Variants in PPARGC1B observed in about 807,000 individuals in gnomAD.
The protein encoded by PPARGC1B is PPARG coactivator 1 beta, also known as peroxisome proliferator-activated receptor gamma coactivator 1-beta.
Under a neutral mutation model 101.6 loss-of-function variants are expected in PPARGC1B, and 34 were observed. That is an observed-to-expected ratio of 0.33 (90% CI 0.25 to 0.45). The LOEUF (loss-of-function observed/expected upper bound fraction) is 0.45. PPARGC1B is among the 20% of genes least tolerant of loss of function. The probability of loss-of-function intolerance (pLI) is 1.00; values close to 1 mark genes in which losing one functional copy is unlikely to be tolerated. For synonymous variants in PPARGC1B, 548 were observed against 539.3 expected, an observed-to-expected ratio of 1.02 and a Z score of -0.22; for missense variants, 1,234 against 1,317.6, an observed-to-expected ratio of 0.94 and a Z score of 0.98.
chr5:149,735,879 A>G (rs1754687644), intron 1 of PPARGC1B, among the ~76,000 whole-genome samples: 1 of 152,238 alleles, frequency 6.6e-6, no homozygotes, highest in African/African-American at 2.4e-5. Flanking sequence ...TAATACCAGC[A>G]CTTTGGGAGG....
intron 1 of PPARGC1B, among the ~76,000 whole-genome samples, chr5:149,752,388 C>G (rs1334752340): frequency 6.6e-6 from 1 of 152,224 alleles, no homozygotes; most frequent in Admixed American, 6.5e-5. Flanking sequence ...TGGTGGGGCT[C>G]ACGCAGAGCA....
Position 149,833,372 on chromosome 5 carries a change from C to T in PPARGC1B, c.1299C>T (p.Asp433=), listed in dbSNP as rs755002548. The T allele has an allele frequency of 2.0e-5, 33 of 1,612,714 alleles. No individual in the cohort carries two copies. Among genetic ancestry groups the T allele is most frequent in the African/African-American group, 8.0e-5 (6 of 74,732 alleles). The change falls in exon 5 of 12, where the codon GAC becomes GAT. Residue 433 remains aspartate (D), a synonymous_variant. Transcript: ENST00000309241. The surrounding 1 kb of genome is among the most constrained non-coding windows in gnomAD (Gnocchi z 4.1). Reference sequence around the variant, plus strand: ...GACTGCAGCAGCAGGAGGAGGAAGACGAGGAAGAAGAGGAGGAGGAAGAGG... The same window carrying T: ...GACTGCAGCAGCAGGAGGAGGAAGATGAGGAAGAAGAGGAGGAGGAAGAGG... ...PARLQQQEEE[D]EEEEEEEEEE... is the part of the protein sequence containing the mutation.
intron 1 of PPARGC1B, among the ~76,000 whole-genome samples, chr5:149,813,897 G>C (rs1757951818): frequency 6.6e-6 from 1 of 152,196 alleles, no homozygotes; most frequent in Admixed American, 6.5e-5. Flanking sequence ...CAGGGTGGGA[G>C]GGGCAACCGA....
At chr5:149,847,294 T>C (rs1323049507) in intron 11 of PPARGC1B, 164 bp from the exon 12 acceptor site, 1 of 755,026 alleles carries the variant, frequency 1.3e-6, no homozygotes, top group South Asian at 1.4e-5. Flanking sequence ...CCCAGCAGGA[T>C]GGCAGGCAGT....
chr5:149,792,760 T>TCATTCATTCAG (rs1757067768), intron 1 of PPARGC1B, among the ~76,000 whole-genome samples: 1 of 151,880 alleles, frequency 6.6e-6, no homozygotes, highest in African/African-American at 2.4e-5. Flanking sequence ...CATTCATTCA[T>TCATTCATTCAG]TCATTCATTC....
At chr5:149,759,462 A>G (rs1171773885) in intron 1 of PPARGC1B, among the ~76,000 whole-genome samples, 2 of 152,152 alleles carry the variant, frequency 1.3e-5, no homozygotes, top group Non-Finnish European at 1.5e-5. Context: ...CTGTAGCAAC[A>G]GTGGCCACCG....
intron 1 of PPARGC1B, among the ~76,000 whole-genome samples, chr5:149,803,133 C>T (rs17110431): frequency 0.17 from 25,869 of 152,126 alleles, 2,476 homozygotes; most frequent in South Asian, 0.35. Context: ...TGAGGTTGAC[C>T]AGTGCTGGAA....
At chr5:149,799,018 G>A (rs1757331678) in intron 1 of PPARGC1B, among the ~76,000 whole-genome samples, 1 of 151,476 alleles carries the variant, frequency 6.6e-6, no homozygotes. Context: ...CATTTGCTAA[G>A]CTCCCACCAA....
chr5:149,771,178 AT>A (rs1756119977), intron 1 of PPARGC1B, among the ~76,000 whole-genome samples: 2 of 152,286 alleles, frequency 1.3e-5, no homozygotes, highest in South Asian at 4.1e-4. Flanking sequence ...CTGCACCTGC[AT>A]TTCTAAGTGC....
chr5:149,816,007 A>G (rs1047551549), intron 1 of PPARGC1B, among the ~76,000 whole-genome samples: 1 of 151,940 alleles, frequency 6.6e-6, no homozygotes, highest in African/African-American at 2.4e-5. Flanking sequence ...TTGTGCTTCA[A>G]CCTCCCAGCT....
intron 1 of PPARGC1B, among the ~76,000 whole-genome samples, chr5:149,800,037 G>A (rs1757379745): frequency 6.6e-6 from 1 of 151,434 alleles, no homozygotes; most frequent in African/African-American, 2.4e-5. Context: ...GCATGTATAT[G>A]ATAAAAATAA....
At chr5:149,776,751 C>A (rs1349462552) in intron 1 of PPARGC1B, among the ~76,000 whole-genome samples, 1 of 152,222 alleles carries the variant, frequency 6.6e-6, no homozygotes, top group Non-Finnish European at 1.5e-5. Flanking sequence ...ACATTCACAT[C>A]CCCTCTCTGC....
intron 1 of PPARGC1B, among the ~76,000 whole-genome samples, chr5:149,805,220 T>C (rs1239142569): frequency 6.6e-6 from 1 of 152,212 alleles, no homozygotes; most frequent in Non-Finnish European, 1.5e-5. Flanking sequence ...CACAGGCTGC[T>C]CAGACACCCT....
chr5:149,742,931 G>A (rs996261554), intron 1 of PPARGC1B, among the ~76,000 whole-genome samples: 4 of 152,180 alleles, frequency 2.6e-5, no homozygotes. Context: ...CCTCAGCTGT[G>A]GGGCTCAGTG....
intron 1 of PPARGC1B, among the ~76,000 whole-genome samples, chr5:149,757,530 G>A (rs1755575933): frequency 1.3e-5 from 2 of 152,172 alleles, no homozygotes; most frequent in African/African-American, 4.8e-5. Context: ...GCAGAACCGA[G>A]GCCTTCCTGA....
intron 10 of PPARGC1B, among the ~76,000 whole-genome samples, chr5:149,844,627 G>A (rs751262790): frequency 2.0e-5 from 3 of 152,190 alleles, no homozygotes; most frequent in Non-Finnish European, 2.9e-5. Context: ...GTGACAGAGC[G>A]AGACTCTGTC....
intron 1 of PPARGC1B, among the ~76,000 whole-genome samples, chr5:149,803,815 T>C (rs959047111): frequency 6.6e-6 from 1 of 152,218 alleles, no homozygotes; most frequent in African/African-American, 2.4e-5. Context: ...AGTTCTTCGC[T>C]CTGGAACGCA....
At chr5:149,743,271 T>C (rs1456593455) in intron 1 of PPARGC1B, among the ~76,000 whole-genome samples, 1 of 151,008 alleles carries the variant, frequency 6.6e-6, no homozygotes, top group East Asian at 2.0e-4. Context: ...TTCTCCTGCC[T>C]CAGCCTCCTG....
intron 1 of PPARGC1B, among the ~76,000 whole-genome samples, chr5:149,749,545 C>T (rs1287542241): frequency 6.6e-6 from 1 of 152,198 alleles, no homozygotes; most frequent in African/African-American, 2.4e-5. Flanking sequence ...TGCCACATCT[C>T]GCCATTGTAT....
Sources: allele counts gnomAD v4.1 joint callset (sites outside exome capture counted in the v4.1 genomes callset), GRCh38; gene constraint gnomAD v4.1.1; non-coding constraint Gnocchi (gnomAD v3.1); transcripts MANE v1.5; gene names NCBI Gene and HGNC (gene_info 2026-07-23, HGNC 2026-07-21).